Variants in CCDC148 observed in about 807,000 individuals in gnomAD.
The protein encoded by CCDC148 is coiled-coil domain-containing protein 148.
Under a neutral mutation model 85.7 loss-of-function variants are expected in CCDC148, and 89 were observed. The ratio of observed to expected loss-of-function variants is 1.04; its 90% confidence interval spans 0.87 to 1.24. The LOEUF is 1.24. Among genes scored for constraint, CCDC148 ranks in the 50% most tolerant of loss-of-function variants. The pLI is 0.00. For missense variants in CCDC148, 692 were observed against 671.7 expected (o/e 1.03, Z -0.33); for synonymous variants, 230 against 213.9 (o/e 1.08, Z -0.66).
At chr2:158,180,752 G>A (rs1330520493) in intron 11 of CCDC148, among the ~76,000 whole-genome samples, 1 of 152,104 alleles carries the variant, frequency 6.6e-6, no homozygotes, top group African/African-American at 2.4e-5. Flanking sequence ...GAAACAGGTT[G>A]CTCATGAGTC....
intron 13 of CCDC148, among the ~76,000 whole-genome samples, chr2:158,173,113 C>T (rs1479747566): frequency 6.6e-6 from 1 of 152,030 alleles, no homozygotes; most frequent in Non-Finnish European, 1.5e-5. Flanking sequence ...GGGGGTGCAT[C>T]TCCTGGTGGT....
At chr2:158,354,153 T>A (rs1293091410) in intron 2 of CCDC148, among the ~76,000 whole-genome samples, 1 of 150,956 alleles carries the variant, frequency 6.6e-6, no homozygotes, top group Non-Finnish European at 1.5e-5. Context: ...CACCCTAACA[T>A]CACAATTAAA....
At chr2:158,200,451 T>C (rs1403495212) in intron 11 of CCDC148, among the ~76,000 whole-genome samples, 4 of 152,210 alleles carry the variant, frequency 2.6e-5, no homozygotes, top group Non-Finnish European at 5.9e-5. Flanking sequence ...CTTATTTTTA[T>C]AAATAAAGTT....
chr2:158,329,454 G>C (rs531917383), intron 7 of CCDC148, among the ~76,000 whole-genome samples: 1 of 152,202 alleles, frequency 6.6e-6, no homozygotes, highest in Non-Finnish European at 1.5e-5. Context: ...GATGCCTCCA[G>C]CTTTGTTCTT....
intron 1 of CCDC148, among the ~76,000 whole-genome samples, chr2:158,368,155 A>G (rs1055960934): frequency 6.6e-6 from 1 of 152,158 alleles, no homozygotes; most frequent in Non-Finnish European, 1.5e-5. Context: ...TGAAGTTTAC[A>G]CTATGAATGT....
At chr2:158,414,765 G>C (rs531769795) in intron 1 of CCDC148, among the ~76,000 whole-genome samples, 10 of 152,250 alleles carry the variant, frequency 6.6e-5, no homozygotes, top group African/African-American at 1.9e-4. Context: ...ATTTACTATG[G>C]TCAAGCAGCC....
intron 11 of CCDC148, among the ~76,000 whole-genome samples, chr2:158,190,711 T>A (rs763220776): frequency 2.0e-5 from 3 of 152,078 alleles, no homozygotes; most frequent in Non-Finnish European, 4.4e-5. Flanking sequence ...AGAAGGGAAC[T>A]TTTGTTGAGG....
At chr2:158,323,005 A>G (rs141553911) in intron 7 of CCDC148, among the ~76,000 whole-genome samples, 124 of 152,294 alleles carry the variant, frequency 8.1e-4, no homozygotes, top group Non-Finnish European at 1.3e-3. Context: ...TAATTCATCC[A>G]AATGTTAGGA....
chr2:158,198,414 G>A (rs769398986), intron 11 of CCDC148, among the ~76,000 whole-genome samples: 1 of 152,154 alleles, frequency 6.6e-6, no homozygotes, highest in African/African-American at 2.4e-5. Context: ...GTATCACTGT[G>A]TTCTCAGACT....
chr2:158,420,530 C>A (rs978850219), intron 1 of CCDC148, among the ~76,000 whole-genome samples: 1 of 152,114 alleles, frequency 6.6e-6, no homozygotes, highest in South Asian at 2.1e-4. Flanking sequence ...TACAGACAAG[C>A]AAATACTGAG....
chr2:158,407,931 A>G (rs1686095185), intron 1 of CCDC148, among the ~76,000 whole-genome samples: 1 of 152,222 alleles, frequency 6.6e-6, no homozygotes, highest in Non-Finnish European at 1.5e-5. Flanking sequence ...TGATAAAATT[A>G]TCTAATATTT....
rs1553518869 is a variant in CCDC148 at position 158,406,629 on chromosome 2, T to TTTGTTTTTGTTTTTG, written c.26-48060_26-48059insCAAAAACAAAAACAA. Among the ~76,000 whole-genome samples, 22 of 117,490 alleles carry TTTGTTTTTGTTTTTG rather than the reference T, an allele frequency of 1.9e-4. 1 individual carries two copies. In the Admixed American group the frequency reaches 1.9e-3, roughly 10 times the overall value. The allele number at this position is 117,490 out of a possible 152,430, so 77.1% of individuals were successfully genotyped here. On this transcript the variant is annotated intron_variant, in intron 1 of 13. Coordinates refer to ENST00000283233, the MANE Select transcript of CCDC148 (RefSeq NM_138803.4). ...ATTAAATTTCTTTTTTTTTTTTTTTTTTTTTTTTTTTGAGACAGTGTCTCC... is the reference window on the plus strand; with the variant it reads ...ATTAAATTTCTTTTTTTTTTTTTTTTTTGTTTTTGTTTTTGTTTTTTTTTTTGAGACAGTGTCTCC...
chr2:158,175,886 CCATT>C (rs939390949), intron 13 of CCDC148, among the ~76,000 whole-genome samples: 8 of 152,008 alleles, frequency 5.3e-5, no homozygotes, highest in Admixed American at 2.0e-4. Context: ...ATCCATCCAT[CCATT>C]CATCTGTTTT....
chr2:158,429,386 T>TAGATAGATAGATAGATAGATAGAC (rs1687232297), intron 1 of CCDC148, among the ~76,000 whole-genome samples: 2 of 151,882 alleles, frequency 1.3e-5, no homozygotes, highest in Admixed American at 6.6e-5. Flanking sequence ...GATAGATAGA[T>TAGATAGATAGATAGATAGATAGAC]AGATAGATAG....
chr2:158,381,252 G>A (rs1684857878), intron 1 of CCDC148, among the ~76,000 whole-genome samples: 1 of 151,998 alleles, frequency 6.6e-6, no homozygotes, highest in South Asian at 2.1e-4. Context: ...ATATATTAAA[G>A]CACATACAAA....
intron 1 of CCDC148, among the ~76,000 whole-genome samples, chr2:158,398,205 T>C (rs1685616559): frequency 6.6e-6 from 1 of 152,088 alleles, no homozygotes; most frequent in East Asian, 1.9e-4. Context: ...ACTCTCAATA[T>C]TAGACAGATC....
intron 9 of CCDC148, among the ~76,000 whole-genome samples, chr2:158,260,675 T>C (rs1383659706): frequency 6.6e-6 from 1 of 152,044 alleles, no homozygotes; most frequent in Non-Finnish European, 1.5e-5. Flanking sequence ...AGTTTTAGGA[T>C]ACAAAATCAA....
chr2:158,276,614 G>A (rs1473774908), intron 9 of CCDC148, among the ~76,000 whole-genome samples: 3 of 149,838 alleles, frequency 2.0e-5, no homozygotes, highest in East Asian at 1.9e-4. Context: ...CATTATACTC[G>A]TGAGCTGCCT....
chr2:158,419,190 C>T (rs1219836358), intron 1 of CCDC148, among the ~76,000 whole-genome samples: 1 of 152,108 alleles, frequency 6.6e-6, no homozygotes, highest in African/African-American at 2.4e-5. Context: ...TGGAAACAAG[C>T]AAGCATCAAA....
Sources: gnomAD v4.1 joint callset for allele counts (sites outside exome capture counted in the v4.1 genomes callset) on GRCh38, gnomAD v4.1.1 for gene constraint, MANE v1.5 for transcripts, NCBI Gene and HGNC (gene_info 2026-07-23, HGNC 2026-07-21) for gene names.